The following SH3GL1 variants were observed in gnomAD, a reference collection of about 807,000 sequenced individuals.
SH3GL1 encodes the protein SH3 domain containing GRB2 like 1, endophilin A2.
In SH3GL1, 21 loss-of-function variants were observed where a neutral mutation model predicts 48.8. The observed-to-expected ratio is 0.43, with a 90% confidence interval of 0.30 to 0.62. SH3GL1 has a LOEUF of 0.62. SH3GL1 is among the 20% of genes least tolerant of loss of function. The pLI is 0.11. For missense variants in SH3GL1, 454 were observed against 503.0 expected, an observed-to-expected ratio of 0.90 and a Z score of 0.93; for synonymous variants, 282 against 217.5, an observed-to-expected ratio of 1.30 and a Z score of -2.61.
At chr19:4,391,558 G>C (rs1287334306) in intron 1 of SH3GL1, among the ~76,000 whole-genome samples, 2 of 152,182 alleles carry the variant, frequency 1.3e-5, no homozygotes, top group Non-Finnish European at 2.9e-5. Context: ...ATCGGAGTCT[G>C]ATGACCCCTT....
rs754532369 is a variant in SH3GL1 at position 4,364,237 on chromosome 19, G to A, written c.332-16C>T. 3.7e-6 allele frequency: 6 copies of A among 1,613,638 alleles called. No homozygotes were observed. Among genetic ancestry groups the A allele is most frequent in the East Asian group, 2.2e-5 (1 of 44,898 alleles). On this transcript the variant is annotated splice_polypyrimidine_tract_variant and intron_variant, in intron 4 of 9. Coordinates refer to ENST00000269886, the MANE Select transcript of SH3GL1 (RefSeq NM_003025.4). ...AATGCGTCACCTGTGGAGAAGTGGT[G>A]GGGGAAGCCATCATACCGGGCCTGG...
intron 1 of SH3GL1, among the ~76,000 whole-genome samples, chr19:4,391,181 C>T (rs1211260636): frequency 6.6e-6 from 1 of 152,110 alleles, no homozygotes; most frequent in Non-Finnish European, 1.5e-5. Flanking sequence ...ACCTCAGGTG[C>T]ACTGCGCACG....
intron 1 of SH3GL1, among the ~76,000 whole-genome samples, chr19:4,387,589 C>T (rs1439348985): frequency 1.3e-5 from 2 of 152,088 alleles, no homozygotes; most frequent in Admixed American, 6.5e-5. Context: ...CCACGTCCAG[C>T]CCGAACAGCT....
At chr19:4,378,017 C>T (rs373646473) in intron 1 of SH3GL1, among the ~76,000 whole-genome samples, 1 of 152,210 alleles carries the variant, frequency 6.6e-6, no homozygotes, top group East Asian at 1.9e-4. Flanking sequence ...AGGCTCTCGT[C>T]GCCAACCCAC....
intron 1 of SH3GL1, among the ~76,000 whole-genome samples, chr19:4,385,400 G>T (rs977287169): frequency 6.6e-6 from 1 of 152,216 alleles, no homozygotes; most frequent in Non-Finnish European, 1.5e-5. Flanking sequence ...GTGGCCCAGG[G>T]AATGTGTTCT....
intron 1 of SH3GL1, among the ~76,000 whole-genome samples, chr19:4,383,759 G>C (rs1453152314): frequency 6.6e-6 from 1 of 152,206 alleles, no homozygotes; most frequent in Admixed American, 6.5e-5. Context: ...TGAGAAACAT[G>C]GCGCTAAAAG....
intron 1 of SH3GL1, among the ~76,000 whole-genome samples, chr19:4,390,992 A>G (rs947965758): frequency 3.3e-5 from 5 of 152,190 alleles, no homozygotes; most frequent in African/African-American, 1.2e-4. Context: ...GGAGGAGGAA[A>G]AGGGCTAAGG....
rs75540632 is a variant in SH3GL1 at position 4,363,344 on chromosome 19, T to C, written c.728+26A>G. ...AGAGGGCGCATGGCAGCCCAGACTC[T>C]GGAGAGACCAAGGCCCTGGGCTCAC... On this transcript the variant is annotated intron_variant, in intron 7 of 9. Coordinates refer to ENST00000269886, the MANE Select transcript of SH3GL1 (RefSeq NM_003025.4). 10 of 1,559,402 alleles carry C rather than the reference T, an allele frequency of 6.4e-6. No homozygotes were observed. In the East Asian group the frequency reaches 1.9e-4, roughly 30 times the overall value.
chr19:4,370,116 C>G (rs1484095554), intron 1 of SH3GL1, among the ~76,000 whole-genome samples: 1 of 152,220 alleles, frequency 6.6e-6, no homozygotes, highest in Non-Finnish European at 1.5e-5. Context: ...GAGGGCGCCT[C>G]TGGGCTCGCT....
At chr19:4,378,913 AACACACCTTACCTGAGTC>A (rs1973065685) in intron 1 of SH3GL1, among the ~76,000 whole-genome samples, 1 of 152,124 alleles carries the variant, frequency 6.6e-6, no homozygotes, top group Admixed American at 6.5e-5. Flanking sequence ...GAAGAAAAGG[AACACACCTTACCTGAGTC>A]ACACCCATCT....
At chr19:4,395,346 C>G (rs1449831479) in intron 1 of SH3GL1, among the ~76,000 whole-genome samples, 1 of 152,196 alleles carries the variant, frequency 6.6e-6, no homozygotes, top group East Asian at 1.9e-4. Context: ...GCATTTGAGG[C>G]CAGCAGTGAA....
intron 1 of SH3GL1, among the ~76,000 whole-genome samples, chr19:4,370,663 C>A (rs773914492): frequency 1.3e-5 from 2 of 152,350 alleles, no homozygotes; most frequent in East Asian, 3.9e-4. Context: ...ACAAACAGGC[C>A]GAGCCCAAGA....
intron 1 of SH3GL1, among the ~76,000 whole-genome samples, chr19:4,379,846 A>G (rs1973085779): frequency 6.6e-6 from 1 of 152,168 alleles, no homozygotes; most frequent in Non-Finnish European, 1.5e-5. Flanking sequence ...TTGGGGGGAA[A>G]GCAGCCCTGC....
Position 4,376,079 on chromosome 19 carries a change from G to A in SH3GL1, c.46-9085C>T, listed in dbSNP as rs1293017858. Among the ~76,000 whole-genome samples the A allele has an allele frequency of 2.0e-5, 3 of 152,242 alleles. No individual in the cohort carries two copies. The highest frequency in any genetic ancestry group is 4.8e-5 in the African/African-American group (2 of 41,456). ...GCGGGGCATGGTGACAGCGGTGAGA[G>A]GCTGCAGGTGCACAGATCTCAACGA... On this transcript the variant is annotated intron_variant, in intron 1 of 9. Coordinates refer to ENST00000269886, the MANE Select transcript of SH3GL1 (RefSeq NM_003025.4). The surrounding 1 kb of genome is among the most constrained non-coding windows in gnomAD (Gnocchi z 4.3).
chr19:4,392,560 AC>A (rs1431183888), intron 1 of SH3GL1, among the ~76,000 whole-genome samples: 55 of 142,200 alleles, frequency 3.9e-4, no homozygotes, highest in African/African-American at 1.5e-3. Context: ...ACACACACAC[AC>A]ACACACACAA....
chr19:4,371,940 C>T (rs1449206439), intron 1 of SH3GL1, among the ~76,000 whole-genome samples: 1 of 152,236 alleles, frequency 6.6e-6, no homozygotes, highest in East Asian at 1.9e-4. Context: ...GTGGGCACGG[C>T]TGGTCAACCG....
chr19:4,365,397 A>T (rs1256059854), intron 4 of SH3GL1, 85 bp downstream of exon 4: 3 of 1,564,584 alleles, frequency 1.9e-6, no homozygotes, highest in Admixed American at 3.3e-5. Context: ...GGCACTCAGC[A>T]CATGCAGGGC....
At chr19:4,370,038 GCA>G (rs34699764) in intron 1 of SH3GL1, among the ~76,000 whole-genome samples, 94,309 of 152,020 alleles carry the variant, frequency 0.62, 29,762 homozygotes, top group Admixed American at 0.73. Context: ...CTCCACACCA[GCA>G]CACTGCTGAG....
chr19:4,362,214 C>T (rs546102494), intron 9 of SH3GL1, 115 bp downstream of exon 9: 251 of 1,094,468 alleles, frequency 2.3e-4, no homozygotes, highest in African/African-American at 5.3e-4. Context: ...TACTGCTGCA[C>T]GAGCCTGGCC....
Sources: allele counts gnomAD v4.1 joint callset (sites outside exome capture counted in the v4.1 genomes callset), GRCh38; gene constraint gnomAD v4.1.1; non-coding constraint Gnocchi (gnomAD v3.1); transcripts MANE v1.5; gene names NCBI Gene and HGNC (gene_info 2026-07-23, HGNC 2026-07-21).